The following NFRKB variants were observed in gnomAD, a reference collection of about 807,000 sequenced individuals.
NFRKB encodes nuclear factor related to kappaB binding protein, also known as nuclear factor related to kappa-B-binding protein.
Under a neutral mutation model 135.7 loss-of-function variants are expected in NFRKB, and 62 were observed. The ratio of observed to expected loss-of-function variants is 0.46; its 90% confidence interval spans 0.37 to 0.56. The LOEUF is 0.56. Ranked by LOEUF, NFRKB falls within the 20% of genes least tolerant of loss-of-function variation. The pLI is 0.00. For missense variants in NFRKB, 1,545 were observed against 1,662.0 expected (o/e 0.93, Z 1.22); for synonymous variants, 678 against 635.6 (o/e 1.07, Z -1.00).
intron 23 of NFRKB, 105 bp downstream of exon 23, chr11:129,872,779 A>G (rs1186142076): frequency 8.4e-7 from 1 of 1,193,478 alleles, no homozygotes; most frequent in Non-Finnish European, 1.2e-6. Flanking sequence ...CGAAGATGAC[A>G]AATCTTCTTC....
rs375114104 is a variant in NFRKB, at chr11:129,882,702, A to G, written c.902-71T>C. 8 of 1,462,752 alleles carry G rather than the reference A, an allele frequency of 5.5e-6. No homozygotes were observed. In the African/African-American group the frequency reaches 8.5e-5, roughly 16 times the overall value. The allele number at this position is 1,462,752 out of a possible 1,614,324, so 90.6% of individuals were successfully genotyped here. ...CAGGGAAGTGAGGGGTCTTATCTGC[A>G]TATTCTTTTCCCAAGGCCCACCAAA... On this transcript the variant is annotated intron_variant, in intron 9 of 26. Transcript: ENST00000682444.
chr11:129,881,922 C>T, intron 11 of NFRKB, 69 bp from the exon 12 acceptor site: 1 of 1,540,180 alleles, frequency 6.5e-7, no homozygotes, highest in South Asian at 1.3e-5. Context: ...ACAAGTGCCA[C>T]CACAACCTGC....
At chr11:129,873,353 A>T (rs967498582) in intron 22 of NFRKB, among the ~76,000 whole-genome samples, 1 of 152,238 alleles carries the variant, frequency 6.6e-6, no homozygotes, top group Non-Finnish European at 1.5e-5. Context: ...CCCCTTTTAT[A>T]GCAAAGGAAA....
intron 4 of NFRKB, among the ~76,000 whole-genome samples, chr11:129,887,188 T>C (rs1166903476): frequency 1.1e-4 from 16 of 151,960 alleles, no homozygotes; most frequent in Non-Finnish European, 2.1e-4. Flanking sequence ...ACTTAAAGAG[T>C]GGCCCAAAGC....
chr11:129,884,851 A>C lies in NFRKB; in HGVS notation c.641-5T>G. 1.2e-6 allele frequency: 2 copies of C among 1,614,210 alleles called. No individual in the cohort carries two copies. Among genetic ancestry groups the C allele is most frequent in the Non-Finnish European group, 1.7e-6 (2 of 1,180,028 alleles). On this transcript the variant is annotated splice_polypyrimidine_tract_variant and splice_region_variant and intron_variant, in intron 6 of 26. Coordinates refer to ENST00000682444, the MANE Select transcript of NFRKB (RefSeq NM_001143835.2). The stretch of plus-strand genomic sequence containing the variant: ...TCGGAAGCCATGAGCTGAGATCTTC[A>C]AAAGAAAATTGTTCTTGTAAATCCA...
intron 4 of NFRKB, among the ~76,000 whole-genome samples, chr11:129,887,616 G>C (rs552036438): frequency 2.6e-5 from 4 of 152,170 alleles, no homozygotes; most frequent in African/African-American, 9.6e-5. Context: ...AAAACAAAAG[G>C]GGCAAAGCGC....
intron 24 of NFRKB, 150 bp from the exon 25 acceptor site, chr11:129,866,133 G>T: frequency 1.6e-6 from 1 of 624,648 alleles, no homozygotes; most frequent in Non-Finnish European, 2.7e-6. Flanking sequence ...CTGAGGTTTG[G>T]GCCCAGAAAA....
At chr11:129,881,897 C>A in intron 11 of NFRKB, 44 bp from the exon 12 acceptor site, 1 of 1,554,700 alleles carries the variant, frequency 6.4e-7, no homozygotes, top group South Asian at 1.3e-5. Context: ...TTCTCTTCCA[C>A]ACCAGCAATT....
At chr11:129,892,638 A>G in intron 3 of NFRKB, 77 bp downstream of exon 3, 7 of 1,456,632 alleles carry the variant, frequency 4.8e-6, no homozygotes, top group South Asian at 1.2e-5. Flanking sequence ...CTGGAAATGT[A>G]GAGTGGAAAA....
chr11:129,895,177 A>T (rs1041832461), intron 1 of NFRKB, among the ~76,000 whole-genome samples: 2 of 152,158 alleles, frequency 1.3e-5, no homozygotes, highest in African/African-American at 4.8e-5. Context: ...TCCCCAACGC[A>T]GAAGCTAAAC....
intron 23 of NFRKB, among the ~76,000 whole-genome samples, chr11:129,872,083 T>C (rs950256188): frequency 2.0e-5 from 3 of 152,170 alleles, no homozygotes; most frequent in Non-Finnish European, 2.9e-5. Context: ...CTCTTTCAAA[T>C]GTCACCTCCC....
rs117674741 is a variant in NFRKB at position 129,866,157 on chromosome 11, C to T, written c.3532-174G>A. On this transcript the variant is annotated intron_variant, in intron 24 of 26. Coordinates refer to ENST00000682444, the MANE Select transcript of NFRKB (RefSeq NM_001143835.2). ...GGGCCCAGAAAACCCTAACGAACTA[C>T]TTATATACCATAGTCAGGTGAAATC... Among the ~76,000 whole-genome samples, 336 of 152,324 alleles carry T rather than the reference C, an allele frequency of 2.2e-3. 1 individual carries two copies. Among genetic ancestry groups the T allele is most frequent in the Non-Finnish European group, 3.9e-3 (262 of 68,026 alleles).
At chr11:129,884,894 A>C (rs1428082564) in intron 6 of NFRKB, 48 bp from the exon 7 acceptor site, 1 of 1,613,412 alleles carries the variant, frequency 6.2e-7, no homozygotes, top group African/African-American at 1.3e-5. Flanking sequence ...TGTGGACTCC[A>C]ATAGGGGAGA....
At chr11:129,894,481 T>C (rs1231783602) in intron 1 of NFRKB, 43 bp from the exon 2 acceptor site, 5 of 152,246 alleles carry the variant, frequency 3.3e-5, no homozygotes, top group Admixed American at 3.3e-4. Flanking sequence ...GTGAATTACG[T>C]AATACAGGTA....
At position 129,869,527 on chromosome 11, in the gene NFRKB, A is replaced by G. The variant is rs766250867; in HGVS notation, c.3498T>C (p.Pro1166=). ...STGAPTVRQV[P]VSTTVVSTSQ... ...ACGTGGACACAACCGTGGTGCTGAC[A>G]GGGACCTGCCGCACGGTGGGGGCTC... is the stretch of plus-strand genomic sequence containing the variant. Residue 1166 remains proline, a synonymous_variant, in exon 24 of 27, where the codon CCT becomes CCC. Coordinates refer to ENST00000682444, the MANE Select transcript of NFRKB (RefSeq NM_001143835.2). 1.6e-5 allele frequency: 25 copies of G among 1,612,882 alleles called. No homozygotes were observed. The highest frequency in any genetic ancestry group is 1.4e-5 in the Non-Finnish European group (16 of 1,179,962).
Position 129,878,370 on chromosome 11 carries a change from A to C in NFRKB, c.1465-15T>G, listed in dbSNP as rs1272880730. 6.2e-7 allele frequency: 1 copy of C among 1,614,182 alleles called. No individual in the cohort carries two copies. The highest frequency in any genetic ancestry group is 8.5e-7 in the Non-Finnish European group (1 of 1,180,018). ...TCATTTTCTTGCTGGAGAAAAAGAA[A>C]ACGTTGACAGGTAAATGGACTAAAG... On this transcript the variant is annotated splice_polypyrimidine_tract_variant and intron_variant, in intron 14 of 26. Transcript: ENST00000682444.
chr11:129,876,611 C>CA lies in NFRKB; in HGVS notation c.1747+109dup, dbSNP rs1591497749. 3.9e-6 allele frequency: 5 copies of CA among 1,267,164 alleles called. No individual in the cohort carries two copies. The Admixed American group carries it at 1.0e-4, about 26-fold the overall frequency. The allele number at this position is 1,267,164 out of a possible 1,614,324, so 78.5% of individuals were successfully genotyped here. A position where few individuals can be genotyped will look rare whatever the true frequency, so the allele number is the denominator to read the frequency against. On this transcript the variant is annotated intron_variant, in intron 17 of 26. Coordinates refer to ENST00000682444, the MANE Select transcript of NFRKB (RefSeq NM_001143835.2). ...GCTTTGAAAAACTATGCCTTGTTCT[C>CA]AAAGCCTACCCTGGGTGGAGGGGTA...
At chr11:129,883,064 C>T (rs1949105615) in intron 9 of NFRKB, 58 bp downstream of exon 9, 1 of 1,510,474 alleles carries the variant, frequency 6.6e-7, no homozygotes, top group Non-Finnish European at 9.2e-7. Context: ...ATGTTATGGG[C>T]TCACGCAACT....
rs771853427 is a variant in NFRKB at position 129,886,431 on chromosome 11, G to A, written c.351C>T (p.Asn117=). 4.6e-5 allele frequency: 74 copies of A among 1,613,714 alleles called. No homozygotes were observed. In the Admixed American group the frequency reaches 1.2e-3, roughly 25 times the overall value. ...AQKLFRDGHF[N]PEVVKYRQLC... is the part of the protein sequence containing the mutation. ...ACTGCCGGTACTTGACCACCTCGGG[G>A]TTAAAGTGTCCGTCTTAAAAAAATA... Residue 117 remains asparagine, a synonymous_variant, in exon 5 of 27, where the codon AAC becomes AAT. Coordinates refer to ENST00000682444, the MANE Select transcript of NFRKB (RefSeq NM_001143835.2).
Sources: gnomAD v4.1 joint callset for allele counts (sites outside exome capture counted in the v4.1 genomes callset) on GRCh38, gnomAD v4.1.1 for gene constraint, MANE v1.5 for transcripts, NCBI Gene and HGNC (gene_info 2026-07-23, HGNC 2026-07-21) for gene names.